The following RTL4 variants were observed in gnomAD, a reference collection of about 807,000 sequenced individuals.
The protein encoded by RTL4 is retrotransposon Gag-like protein 4.
RTL4 carries 4 observed loss-of-function variants against 5.3 expected under a neutral mutation model. That is an observed-to-expected ratio of 0.75 (90% CI 0.37 to 1.72). RTL4 has a LOEUF of 1.72. Ranked by LOEUF, RTL4 falls within the 40% of genes most tolerant of loss-of-function variation. RTL4 has a pLI of 0.04. For missense variants in RTL4, 260 were observed against 227.1 expected, an observed-to-expected ratio of 1.14 and a Z score of -0.93; for synonymous variants, 98 against 87.3, an observed-to-expected ratio of 1.12 and a Z score of -0.68.
At chrX:112,191,256 C>T in the RTL4 span, among the ~76,000 whole-genome samples, 1 of 111,851 alleles carries the variant, frequency 8.9e-6, no homozygotes, top group Non-Finnish European at 1.9e-5. Context: ...TACTTCCCTC[C>T]CATAAAAAAA....
the RTL4 span, among the ~76,000 whole-genome samples, chrX:112,347,482 C>T: frequency 9.0e-6 from 1 of 111,108 alleles, no homozygotes; most frequent in Non-Finnish European, 1.9e-5. Context: ...TCAAACTTGA[C>T]CTACTCACCA....
chrX:112,130,824 C>T, the RTL4 span, among the ~76,000 whole-genome samples: 3 of 95,366 alleles, frequency 3.1e-5, no homozygotes, highest in African/African-American at 4.2e-5. Context: ...GACTGAGTCT[C>T]GCTCTGTCGC....
chrX:112,319,489 TTTA>T, the RTL4 span, among the ~76,000 whole-genome samples: 1 of 112,165 alleles, frequency 8.9e-6, no homozygotes, highest in Non-Finnish European at 1.9e-5. Flanking sequence ...TATCTTTATT[TTTA>T]TTGAGACATA....
chrX:112,367,007 G>A, the RTL4 span, among the ~76,000 whole-genome samples: 1 of 111,556 alleles, frequency 9.0e-6, no homozygotes, highest in Non-Finnish European at 1.9e-5. Flanking sequence ...CCTGCCTGGA[G>A]CGCAGCTGAA....
chrX:112,241,377 T>A, the RTL4 span, among the ~76,000 whole-genome samples: 1 of 111,650 alleles, frequency 9.0e-6, no homozygotes, highest in Non-Finnish European at 1.9e-5. Context: ...TTTTTAATGA[T>A]CGCCATTCTA....
At chrX:112,115,810 G>T in the RTL4 span, among the ~76,000 whole-genome samples, 10 of 112,147 alleles carry the variant, frequency 8.9e-5, no homozygotes, top group Non-Finnish European at 1.9e-4. Flanking sequence ...GACTAGCCTC[G>T]GAGAATAGAG....
chrX:112,319,210 A>G, the RTL4 span, among the ~76,000 whole-genome samples: 1 of 112,054 alleles, frequency 8.9e-6, no homozygotes, highest in African/African-American at 3.2e-5. Context: ...ATGGTGAGGA[A>G]TAGTGAAGGT....
chrX:112,199,288 C>CAA, the RTL4 span, among the ~76,000 whole-genome samples: 10 of 34,111 alleles, frequency 2.9e-4, no homozygotes, highest in East Asian at 1.1e-3. Context: ...GGCTCCGTCT[C>CAA]AAAAAAAAAA....
At chrX:112,379,969 A>G in the RTL4 span, among the ~76,000 whole-genome samples, 20 of 110,141 alleles carry the variant, frequency 1.8e-4, no homozygotes, top group Non-Finnish European at 3.8e-4. Flanking sequence ...ATTTCCTCAT[A>G]CTCCTTATTG....
At chrX:112,277,430 A>G in the RTL4 span, among the ~76,000 whole-genome samples, 3 of 112,113 alleles carry the variant, frequency 2.7e-5, no homozygotes, top group Non-Finnish European at 5.6e-5. Flanking sequence ...GCCCAAAAGG[A>G]TAGAGAGAAC....
At chrX:112,326,644 G>A in the RTL4 span, among the ~76,000 whole-genome samples, 1 of 112,057 alleles carries the variant, frequency 8.9e-6, no homozygotes, top group South Asian at 3.7e-4. Flanking sequence ...CGAACTGGGT[G>A]GAGCCCACCA....
chrX:112,172,466 C>T, the RTL4 span, among the ~76,000 whole-genome samples: 1 of 111,488 alleles, frequency 9.0e-6, no homozygotes, highest in African/African-American at 3.3e-5. Context: ...CATCTCATGC[C>T]ACTCAGAATG....
the RTL4 span, among the ~76,000 whole-genome samples, chrX:112,449,327 A>G: frequency 8.1e-5 from 9 of 111,721 alleles, no homozygotes; most frequent in Non-Finnish European, 1.7e-4. Context: ...GACAGCCTGC[A>G]CCAGTCCACT....
the RTL4 span, among the ~76,000 whole-genome samples, chrX:112,329,712 A>G: frequency 9.0e-6 from 1 of 111,176 alleles, no homozygotes; most frequent in Non-Finnish European, 1.9e-5. Context: ...ACCAAAAAAG[A>G]GAATTTCAGA....
the RTL4 span, among the ~76,000 whole-genome samples, chrX:112,239,239 G>T: frequency 9.0e-6 from 1 of 111,406 alleles, no homozygotes; most frequent in East Asian, 2.8e-4. Flanking sequence ...TACCTGGCAG[G>T]GGCAGGTGGC....
At chrX:112,221,349 A>C in the RTL4 span, among the ~76,000 whole-genome samples, 1 of 111,725 alleles carries the variant, frequency 9.0e-6, no homozygotes, top group Admixed American at 9.5e-5. Flanking sequence ...ACAATTCAAG[A>C]TGCAATTTAG....
At chrX:112,270,018 A>G in the RTL4 span, among the ~76,000 whole-genome samples, 1 of 112,340 alleles carries the variant, frequency 8.9e-6, no homozygotes, top group Non-Finnish European at 1.9e-5. Context: ...TATCATTTAT[A>G]ATATCATTCA....
chrX:112,208,855 G>T, the RTL4 span, among the ~76,000 whole-genome samples: 1 of 112,386 alleles, frequency 8.9e-6, no homozygotes, highest in African/African-American at 3.2e-5. Flanking sequence ...ATGCAGCCAA[G>T]CTCCAATGTG....
At chrX:112,104,798 T>A in the RTL4 span, among the ~76,000 whole-genome samples, 1 of 111,783 alleles carries the variant, frequency 8.9e-6, no homozygotes, top group South Asian at 3.7e-4. Context: ...TGAATATTAA[T>A]CCCTTATCAG....
Sources: allele counts gnomAD v4.1 joint callset (sites outside exome capture counted in the v4.1 genomes callset), GRCh38; gene constraint gnomAD v4.1.1; transcripts MANE v1.5; gene names NCBI Gene and HGNC (gene_info 2026-07-23, HGNC 2026-07-21).